Variants in DPP8 observed in about 807,000 individuals in gnomAD.
DPP8 encodes the protein DPP VIII.
DPP8 carries 31 observed loss-of-function variants against 107.5 expected under a neutral mutation model. That is an observed-to-expected ratio of 0.29 (90% CI 0.22 to 0.39). The LOEUF (loss-of-function observed/expected upper bound fraction) is 0.39, where lower values mean the gene tolerates loss of function less well. Ranked by LOEUF, DPP8 falls within the 10% of genes least tolerant of loss-of-function variation. The pLI is 1.00. For synonymous variants in DPP8, 381 were observed against 356.6 expected (o/e 1.07, Z -0.77); for missense variants, 842 against 1,076.1 (o/e 0.78, Z 3.04).
At chr15:65,511,351 T>C (rs886452603) in intron 2 of DPP8, among the ~76,000 whole-genome samples, 1 of 151,572 alleles carries the variant, frequency 6.6e-6, no homozygotes, top group African/African-American at 2.4e-5. Context: ...TAGCTGGTTG[T>C]GGCAGCGTGT....
intron 2 of DPP8, chr15:65,512,034 G>A (rs1208251365): frequency 1.7e-6 from 1 of 602,966 alleles, no homozygotes; most frequent in Non-Finnish European, 3.1e-6. Context: ...GGCATTTCAA[G>A]CTAGCTTTAG....
intron 15 of DPP8, among the ~76,000 whole-genome samples, chr15:65,456,619 A>G (rs374577331): frequency 2.0e-5 from 3 of 152,224 alleles, no homozygotes; most frequent in Non-Finnish European, 2.9e-5. Context: ...TTAATTACAT[A>G]TAAGTGAATC....
chr15:65,448,263 G>T (rs752995456), intron 19 of DPP8, among the ~76,000 whole-genome samples: 3 of 151,946 alleles, frequency 2.0e-5, no homozygotes, highest in Non-Finnish European at 4.4e-5. Context: ...GGCTGAGCAT[G>T]GTAGCTCACC....
chr15:65,477,807 C>CA (rs2066535590), intron 11 of DPP8, among the ~76,000 whole-genome samples: 1 of 151,990 alleles, frequency 6.6e-6, no homozygotes. Flanking sequence ...GCTGGGATTA[C>CA]AGGCGTGAGC....
chr15:65,512,081 C>A, intron 2 of DPP8: 1 of 692,578 alleles, frequency 1.4e-6, no homozygotes, highest in Non-Finnish European at 2.6e-6. Flanking sequence ...TTTTGAAAAA[C>A]GATCATGATC....
chr15:65,448,865 A>AGTATAC (rs2063706587), intron 19 of DPP8, among the ~76,000 whole-genome samples: 3 of 53,314 alleles, frequency 5.6e-5, no homozygotes, highest in East Asian at 3.2e-4. Context: ...ATATATCTAA[A>AGTATAC]ATATATATAT....
rs147893429 is a variant in DPP8, at chr15:65,497,925, G to A, written c.654C>T (p.Asn218=). Residue 218 remains asparagine (N), a synonymous_variant, in exon 5 of 20, where the codon AAC becomes AAT. Coordinates refer to ENST00000300141, the MANE Select transcript of DPP8 (RefSeq NM_130434.5). ...TTACGATGTTAGATATCCAAATATC[G>A]TTGCTATGTATAAAAGCAATCCAGT... ...DPDWIAFIHS[N]DIWISNIVTR... The A allele has an allele frequency of 6.9e-6, 11 of 1,601,998 alleles. No individual in the cohort carries two copies. Among genetic ancestry groups the A allele is most frequent in the East Asian group, 4.5e-5 (2 of 44,652 alleles).
Position 65,507,297 on chromosome 15 carries a change from G to C in DPP8, c.318C>G (p.Ile106Met), listed in dbSNP as rs145106020. 1.4e-5 allele frequency: 22 copies of C among 1,612,746 alleles called. No individual in the cohort carries two copies. Among genetic ancestry groups the C allele is most frequent in the Non-Finnish European group, 1.6e-5 (19 of 1,179,306 alleles). The change falls in exon 3 of 20, where the codon ATC becomes ATG. Residue 106 changes from isoleucine to methionine, a missense_variant. By Grantham distance (10) the Ile-to-Met change is conservative. Transcript: ENST00000300141. Reference sequence around the variant, plus strand: ...AGAGCATTAAGACTGCTGCTCTATTGATAGTTTTGGGAATTTCAGAATAAA... The same window carrying C: ...AGAGCATTAAGACTGCTGCTCTATTCATAGTTTTGGGAATTTCAGAATAAA... The part of the protein sequence containing the change: ...TLFYSEIPKT[I>M]NRAAVLMLSW...
At chr15:65,454,465 G>C (rs200291174) in intron 16 of DPP8, 50 bp from the exon 17 acceptor site, 4 of 1,472,536 alleles carry the variant, frequency 2.7e-6, no homozygotes, top group East Asian at 2.5e-5. Context: ...TAAAAGTCTC[G>C]TAAGAGTGCT....
In DPP8 at chr15:65,451,965, G is replaced by A. The variant is rs267604292; in HGVS notation, c.2409C>T (p.Pro803=). 6.3e-7 allele frequency: 1 copy of A among 1,589,852 alleles called. No homozygotes were observed. Among genetic ancestry groups the A allele is most frequent in the Non-Finnish European group, 8.5e-7 (1 of 1,172,802 alleles). The change falls in exon 18 of 20, where the codon CCC becomes CCT. Residue 803 remains proline (P), a synonymous_variant. Coordinates refer to ENST00000300141, the MANE Select transcript of DPP8 (RefSeq NM_130434.5). ...AAAAAAAAGCTTGCACTTACTCAGA[G>A]GGGAACTTTTCTGCTTGCATGGCCA... is the stretch of plus-strand genomic sequence containing the variant. ...GSVAMQAEKF[P]SEPNRLLLLH...
At chr15:65,477,440 T>A (rs1378339448) in intron 11 of DPP8, among the ~76,000 whole-genome samples, 4 of 151,296 alleles carry the variant, frequency 2.6e-5, no homozygotes, top group Non-Finnish European at 4.4e-5. Context: ...TATATATATA[T>A]AAAAACATAC....
intron 8 of DPP8, among the ~76,000 whole-genome samples, chr15:65,483,266 T>G (rs1182865799): frequency 1.3e-5 from 2 of 152,116 alleles, no homozygotes; most frequent in African/African-American, 4.8e-5. Flanking sequence ...GGCTCACACC[T>G]GTAATCCCAG....
chr15:65,505,015 C>T (rs1450221134), intron 3 of DPP8, among the ~76,000 whole-genome samples: 4 of 152,078 alleles, frequency 2.6e-5, no homozygotes, highest in Non-Finnish European at 5.9e-5. Context: ...TTTAGAGATA[C>T]ATACTGATAT....
rs373942026 is a variant in DPP8, at chr15:65,497,903, C to T, written c.676G>A (p.Val226Ile). Residue 226 changes from valine (V) to isoleucine (I), a missense_variant, in exon 5 of 20, where the codon GTA becomes ATA. By Grantham distance (29) the Val-to-Ile change is conservative. Around this residue, in one of 2 missense-constraint regions of DPP8, gnomAD observed 663 missense variants for 758.0 expected, o/e 0.87. Transcript: ENST00000300141. ...HSNDIWISNI[V>I]TREERRLTYV... Reference sequence around the variant, plus strand: ...GTGAGTCTCCTTTCTTCTCTGGTTACGATGTTAGATATCCAAATATCGTTG... The same window carrying T: ...GTGAGTCTCCTTTCTTCTCTGGTTATGATGTTAGATATCCAAATATCGTTG... The T allele has an allele frequency of 1.3e-5, 21 of 1,587,938 alleles. No individual in the cohort carries two copies. The highest frequency in any genetic ancestry group is 4.5e-5 in the East Asian group (2 of 44,276).
rs188521004 is a variant in DPP8 at position 65,460,251 on chromosome 15, G to T, written c.1971+3510C>A. On this transcript the variant is annotated intron_variant, in intron 15 of 19. Transcript: ENST00000300141. ...GAGGTCAGGAGTTCGAGACCAGCCT[G>T]GCTAACATGGTGAAACCCTGTCTCT... Among the ~76,000 whole-genome samples the T allele has an allele frequency of 6.0e-3, 914 of 152,042 alleles. 7 individuals are homozygous for T. The highest frequency in any genetic ancestry group is 0.021 in the African/African-American group (877 of 41,442).
chr15:65,512,590 G>C (rs759120762), intron 1 of DPP8, 26 bp from the exon 2 acceptor site: 1 of 1,612,252 alleles, frequency 6.2e-7, no homozygotes, highest in East Asian at 2.2e-5. Context: ...ACATGAAGCT[G>C]TTCACGGGTC....
intron 2 of DPP8, chr15:65,512,017 A>G (rs1023691757): frequency 1.8e-6 from 1 of 568,338 alleles, no homozygotes; most frequent in Non-Finnish European, 3.3e-6. Context: ...CAGACCATCT[A>G]AAGAAAGGCA....
Position 65,474,269 on chromosome 15 carries a change from G to C in DPP8, c.1476C>G (p.Ile492Met), listed in dbSNP as rs1307492763. ...CACTGGTAATTGCTATCTCCTCTTT[G>C]ATAGGACACTTGAAATCACCTGAAG... ...LPAPSDFKCP[I>M]KEEIAITSGE... Residue 492 changes from isoleucine (I) to methionine (M), a missense_variant, in exon 12 of 20, where the codon ATC (isoleucine) becomes ATG (methionine). By Grantham distance (10) the Ile-to-Met change is conservative. Transcript: ENST00000300141. The C allele has an allele frequency of 1.9e-6, 3 of 1,610,614 alleles. No individual in the cohort carries two copies. Among genetic ancestry groups the C allele is most frequent in the Non-Finnish European group, 2.5e-6 (3 of 1,176,990 alleles).
Position 65,479,037 on chromosome 15 carries a change from G to A in DPP8, c.1299C>T (p.Ile433=), listed in dbSNP as rs1253226579. 6.4e-7 allele frequency: 1 copy of A among 1,563,792 alleles called. No homozygotes were observed. The highest frequency in any genetic ancestry group is 8.6e-7 in the Non-Finnish European group (1 of 1,158,498). Reference sequence around the variant, plus strand: ...GGGGAAAAACATGAAAGATGTCATGGATCTGTAAAATGAATAGCTAAATTT... The same window carrying A: ...GGGGAAAAACATGAAAGATGTCATGAATCTGTAAAATGAATAGCTAAATTT... The part of the protein sequence containing the change: ...YEETTDIWIN[I]HDIFHVFPQS... Residue 433 remains isoleucine (I), a splice_region_variant and synonymous_variant, in exon 11 of 20, where the codon ATC becomes ATT. Transcript: ENST00000300141.
Sources: gnomAD v4.1 joint callset for allele counts (sites outside exome capture counted in the v4.1 genomes callset) on GRCh38, gnomAD v4.1.1 for gene constraint, gnomAD v4.1.1 regional missense constraint, MANE v1.5 for transcripts, NCBI Gene and HGNC (gene_info 2026-07-23, HGNC 2026-07-21) for gene names.